Variants in DNAH11 observed in about 807,000 individuals in gnomAD.
DNAH11 encodes the protein axonemal beta dynein heavy chain 11.
Under a neutral mutation model 526.0 loss-of-function variants are expected in DNAH11, and 442 were observed. That is an observed-to-expected ratio of 0.84 (90% CI 0.78 to 0.91). DNAH11 has a LOEUF of 0.91. Among genes scored for constraint, DNAH11 ranks in the 40% least tolerant of loss-of-function variants. The probability of loss-of-function intolerance (pLI) is 0.00; values close to 1 mark genes in which losing one functional copy is unlikely to be tolerated. For missense variants in DNAH11, 6,989 were observed against 5,448.7 expected (o/e 1.28, Z -8.90); for synonymous variants, 2,461 against 1,935.9 (o/e 1.27, Z -7.12).
intron 25 of DNAH11, among the ~76,000 whole-genome samples, chr7:21,621,170 A>G (rs1257121090): frequency 2.6e-5 from 4 of 152,160 alleles, no homozygotes; most frequent in East Asian, 1.9e-4. Context: ...AATACAAACT[A>G]CCATCAGAGA....
At chr7:21,846,083 T>C (rs1782405858) in intron 66 of DNAH11, among the ~76,000 whole-genome samples, 2 of 152,226 alleles carry the variant, frequency 1.3e-5, no homozygotes, top group African/African-American at 4.8e-5. Flanking sequence ...TTAATCTGTA[T>C]CCTGCAAATG....
chr7:21,691,531 C>A (rs1783630196), intron 35 of DNAH11, among the ~76,000 whole-genome samples: 1 of 152,106 alleles, frequency 6.6e-6, no homozygotes, highest in African/African-American at 2.4e-5. Flanking sequence ...GGTCCAGAAT[C>A]TTTCATAAAT....
intron 6 of DNAH11, among the ~76,000 whole-genome samples, chr7:21,566,572 C>T (rs530045734): frequency 4.7e-5 from 7 of 149,968 alleles, no homozygotes; most frequent in Middle Eastern, 3.4e-3. Context: ...AACACTATGA[C>T]GTAGGTATTA....
At chr7:21,711,246 T>C (rs962880793) in intron 41 of DNAH11, among the ~76,000 whole-genome samples, 2 of 152,158 alleles carry the variant, frequency 1.3e-5, no homozygotes, top group African/African-American at 4.8e-5. Context: ...TCAGTAATCA[T>C]CATTACTCCA....
At chr7:21,880,269 T>C (rs914155410) in intron 74 of DNAH11, among the ~76,000 whole-genome samples, 3 of 152,160 alleles carry the variant, frequency 2.0e-5, no homozygotes, top group African/African-American at 7.2e-5. Context: ...AGGGTGTCCA[T>C]GTGCCCAGAG....
intron 45 of DNAH11, among the ~76,000 whole-genome samples, chr7:21,727,366 T>C (rs1404540858): frequency 6.6e-6 from 1 of 152,264 alleles, no homozygotes; most frequent in African/African-American, 2.4e-5. Context: ...GTGATTGTTA[T>C]TTCTGAACTT....
intron 42 of DNAH11, among the ~76,000 whole-genome samples, chr7:21,715,022 A>G (rs530335885): frequency 2.0e-5 from 3 of 152,188 alleles, no homozygotes; most frequent in Non-Finnish European, 4.4e-5. Context: ...TGTCCCTGCA[A>G]TCCCACTGTC....
Position 21,861,916 on chromosome 7 carries a change from C to T in DNAH11, c.11266C>T (p.Arg3756Cys), listed in dbSNP as rs766141716. Residue 3756 changes from arginine (R) to cysteine (C), a missense_variant, in exon 69 of 82, where the codon CGC (arginine) becomes TGC (cysteine). By Grantham distance (180) the Arg-to-Cys change is radical (BLOSUM62 -3). Transcript: ENST00000409508. Reference sequence around the variant, plus strand: ...TGACAAGGTGGAAGACATGCAGGGACGCATCTCTATCCTGATGGAGAGCAT... The same window carrying T: ...TGACAAGGTGGAAGACATGCAGGGATGCATCTCTATCCTGATGGAGAGCAT... Reference protein sequence around the residue: ...QADKVEDMQGRISILMESITH... With the variant: ...QADKVEDMQGCISILMESITH... The T allele has an allele frequency of 1.5e-5, 25 of 1,613,328 alleles. No individual in the cohort carries two copies. The highest frequency in any genetic ancestry group is 3.3e-4 in the Middle Eastern group (2 of 6,074).
intron 45 of DNAH11, among the ~76,000 whole-genome samples, chr7:21,726,202 CAA>C (rs1190243639): frequency 1.3e-5 from 2 of 152,104 alleles, no homozygotes; most frequent in Non-Finnish European, 2.9e-5. Flanking sequence ...AAAGGGGAAA[CAA>C]GAGAGAGTGA....
At chr7:21,629,144 C>T (rs966745910) in intron 25 of DNAH11, among the ~76,000 whole-genome samples, 1 of 151,936 alleles carries the variant, frequency 6.6e-6, no homozygotes, top group Non-Finnish European at 1.5e-5. Context: ...ACATTTGCTT[C>T]TTAATTTCTT....
intron 61 of DNAH11, among the ~76,000 whole-genome samples, chr7:21,795,219 A>G (rs963070302): frequency 1.3e-5 from 2 of 152,198 alleles, no homozygotes; most frequent in Non-Finnish European, 2.9e-5. Flanking sequence ...CTTTACTCAT[A>G]GGCCACACAA....
Position 21,900,731 on chromosome 7 carries a change from T to G in DNAH11, c.13304-276T>G, listed in dbSNP as rs1039912283. On this transcript the variant is annotated intron_variant, in intron 81 of 81. Coordinates refer to ENST00000409508, the MANE Select transcript of DNAH11 (RefSeq NM_001277115.2). ...TTAAAGGGAGGGCAAACTAGTTCAG[T>G]GTATGTGAATTCTCTTAGAATCCCA... is the stretch of plus-strand genomic sequence containing the variant. Among the ~76,000 whole-genome samples the G allele has an allele frequency of 6.4e-5, 9 of 139,982 alleles. No homozygotes were observed. The East Asian group carries it at 1.8e-3, about 28-fold the overall frequency. The allele number at this position is 139,982 out of a possible 152,430, so 91.8% of individuals were successfully genotyped here.
At chr7:21,574,867 C>CTTT (rs869117425) in intron 8 of DNAH11, among the ~76,000 whole-genome samples, 679 of 42,858 alleles carry the variant, frequency 0.016, 134 homozygotes, top group East Asian at 0.14. Context: ...CTGCACTGGG[C>CTTT]TTTTTTTTTT....
intron 65 of DNAH11, among the ~76,000 whole-genome samples, chr7:21,832,750 G>T (rs1583750496): frequency 6.6e-6 from 1 of 152,156 alleles, no homozygotes; most frequent in South Asian, 2.1e-4. Flanking sequence ...TGGACAAATG[G>T]CCTGTTTTGG....
chr7:21,678,332 C>T (rs976929419), intron 30 of DNAH11, among the ~76,000 whole-genome samples: 4 of 152,038 alleles, frequency 2.6e-5, no homozygotes, highest in Non-Finnish European at 5.9e-5. Context: ...AGTCTTCTTT[C>T]TTCACTGTTT....
intron 7 of DNAH11, 25 bp from the exon 8 acceptor site, chr7:21,571,781 G>A (rs66476925): frequency 1.9e-6 from 3 of 1,581,750 alleles, no homozygotes; most frequent in African/African-American, 2.7e-5. Context: ...GTAGTGGAAA[G>A]GTCTTTACTG....
At chr7:21,668,209 A>C (rs1326510243) in intron 30 of DNAH11, among the ~76,000 whole-genome samples, 1 of 152,126 alleles carries the variant, frequency 6.6e-6, no homozygotes, top group Non-Finnish European at 1.5e-5. Context: ...ATTTATATAC[A>C]TCTTATGAAC....
At chr7:21,848,675 G>A (rs1301456122) in intron 66 of DNAH11, among the ~76,000 whole-genome samples, 3 of 151,914 alleles carry the variant, frequency 2.0e-5, no homozygotes, top group African/African-American at 7.2e-5. Context: ...ACAACATGAT[G>A]TATGTATTTT....
intron 35 of DNAH11, among the ~76,000 whole-genome samples, chr7:21,696,584 A>T (rs1374808684): frequency 6.6e-6 from 1 of 152,158 alleles, no homozygotes; most frequent in African/African-American, 2.4e-5. Flanking sequence ...AATTTATCTC[A>T]TACTTTCTTT....
Sources: gnomAD v4.1 joint callset for allele counts (sites outside exome capture counted in the v4.1 genomes callset) on GRCh38, gnomAD v4.1.1 for gene constraint, MANE v1.5 for transcripts, NCBI Gene and HGNC (gene_info 2026-07-23, HGNC 2026-07-21) for gene names.